LHCGR: variants seen among roughly 807,000 people sequenced by gnomAD.
LHCGR encodes the protein luteinizing hormone/choriogonadotropin receptor.
LHCGR carries 55 observed loss-of-function variants against 60.7 expected under a neutral mutation model. The observed-to-expected ratio is 0.91, with a 90% CI of 0.73 to 1.13. LHCGR has a LOEUF of 1.13. Ranked by LOEUF, LHCGR falls within the 50% of genes most tolerant of loss-of-function variation. The pLI is 0.00. For missense variants in LHCGR, 862 were observed against 836.0 expected (o/e 1.03, Z -0.38); for synonymous variants, 337 against 316.5 (o/e 1.06, Z -0.69).
At position 48,687,595 on chromosome 2, in the gene LHCGR, A is replaced by G; in HGVS notation, c.*102T>C. On this transcript the variant is annotated 3_prime_UTR_variant, in exon 11 of 11. Coordinates refer to ENST00000294954, the MANE Select transcript of LHCGR (RefSeq NM_000233.4). ...TCTTGCCTAATGTACCTAAAAATAA[A>G]TAATTTCCTAAATCCAACCCTTTAT... 1 of 998,572 alleles carries G rather than the reference A, an allele frequency of 1.0e-6. No homozygotes were observed. Among genetic ancestry groups the G allele is most frequent in the East Asian group, 2.5e-5 (1 of 40,380 alleles). The allele number at this position is 998,572 out of a possible 1,614,324, so 61.9% of individuals were successfully genotyped here.
chr2:48,745,896 G>A (rs572661370), intron 1 of LHCGR, among the ~76,000 whole-genome samples: 157 of 151,494 alleles, frequency 1.0e-3, no homozygotes, highest in Admixed American at 3.7e-3. Context: ...AAAAAGGTCC[G>A]TCTCAGGTAC....
chr2:48,743,326 C>T (rs559564647), intron 1 of LHCGR, among the ~76,000 whole-genome samples: 1 of 152,072 alleles, frequency 6.6e-6, no homozygotes, highest in Non-Finnish European at 1.5e-5. Flanking sequence ...AGAGGGAATC[C>T]TCCCTAACTC....
chr2:48,746,658 T>C (rs1469905081), intron 1 of LHCGR, among the ~76,000 whole-genome samples: 1 of 152,254 alleles, frequency 6.6e-6, no homozygotes, highest in Non-Finnish European at 1.5e-5. Context: ...GGATTTTTCA[T>C]GTCATTTGTG....
At chr2:48,691,721 C>G (rs1218882931) in intron 10 of LHCGR, among the ~76,000 whole-genome samples, 1 of 151,978 alleles carries the variant, frequency 6.6e-6, no homozygotes, top group Non-Finnish European at 1.5e-5. Context: ...TGGTATGCCC[C>G]TGTAATCCCA....
At position 48,698,617 on chromosome 2, in the gene LHCGR, T is replaced by G. The variant is rs376857065; in HGVS notation, c.864A>C (p.Lys288Asn). The G allele has an allele frequency of 8.1e-6, 13 of 1,613,754 alleles. No individual in the cohort carries two copies. In the African/African-American group the frequency reaches 1.7e-4, roughly 22 times the overall value. Reference protein sequence around the residue: ...HCCAFRNLPTKEQNFSHSISE... With the variant: ...HCCAFRNLPTNEQNFSHSISE... ...TTTACCTTTTGGTTTCTACTTACTCTTTTGTTGGCAAGTTTCTAAAAGCAC... is the reference window on the plus strand; with the variant it reads ...TTTACCTTTTGGTTTCTACTTACTCGTTTGTTGGCAAGTTTCTAAAAGCAC... The change falls in exon 9 of 11, where the codon AAA (lysine) becomes AAC (asparagine). Residue 288 changes from lysine to asparagine, a missense_variant and splice_region_variant. Physicochemically the swap from Lys to Asn is moderately conservative, Grantham distance 94 (BLOSUM62 0). Coordinates refer to ENST00000294954, the MANE Select transcript of LHCGR (RefSeq NM_000233.4).
intron 6 of LHCGR, 144 bp downstream of exon 6, chr2:48,723,312 C>T (rs1668581465): frequency 4.2e-6 from 3 of 717,756 alleles, no homozygotes; most frequent in African/African-American, 3.5e-5. Flanking sequence ...TACACAACTC[C>T]CTTCACCCTT....
chr2:48,725,600 A>C (rs927102771), intron 4 of LHCGR, 76 bp downstream of exon 4: 1 of 1,043,986 alleles, frequency 9.6e-7, no homozygotes, highest in African/African-American at 1.6e-5. Flanking sequence ...AAATCTTTCC[A>C]ACCTTTTCCT....
intron 9 of LHCGR, among the ~76,000 whole-genome samples, chr2:48,697,753 G>C (rs530912068): frequency 3.0e-4 from 45 of 152,230 alleles, no homozygotes; most frequent in Non-Finnish European, 5.6e-4. Flanking sequence ...GGGCAGTGTT[G>C]TTCCAACTGT....
chr2:48,739,266 G>C (rs966101559), intron 1 of LHCGR, among the ~76,000 whole-genome samples: 2 of 152,302 alleles, frequency 1.3e-5, no homozygotes, highest in Non-Finnish European at 2.9e-5. Context: ...ATTCCTCAGG[G>C]ATCTAGAACT....
chr2:48,712,268 A>G, intron 7 of LHCGR, among the ~76,000 whole-genome samples: 1 of 151,928 alleles, frequency 6.6e-6, no homozygotes, highest in East Asian at 1.9e-4. Context: ...CTATTTGGAG[A>G]TGCTTCTTCC....
chr2:48,692,042 A>T (rs1666874138), intron 10 of LHCGR, among the ~76,000 whole-genome samples: 1 of 152,082 alleles, frequency 6.6e-6, no homozygotes, highest in African/African-American at 2.4e-5. Context: ...TTGTTTTTCA[A>T]AGTGTGGTCC....
intron 7 of LHCGR, among the ~76,000 whole-genome samples, chr2:48,713,267 G>A (rs185163010): frequency 1.2e-3 from 184 of 151,980 alleles, no homozygotes; most frequent in African/African-American, 4.2e-3. Flanking sequence ...GGCTTTAATC[G>A]AACTTTTCAT....
intron 6 of LHCGR, chr2:48,720,959 T>C (rs1347880439): frequency 1.3e-5 from 2 of 152,238 alleles, no homozygotes; most frequent in African/African-American, 2.4e-5. Flanking sequence ...ATATAAACGT[T>C]ACTGATTCCA....
intron 2 of LHCGR, among the ~76,000 whole-genome samples, chr2:48,730,825 A>G (rs1668954552): frequency 6.6e-6 from 1 of 152,252 alleles, no homozygotes; most frequent in South Asian, 2.1e-4. Flanking sequence ...TATTTTAGAT[A>G]TAAAGATTAT....
chr2:48,715,730 C>T (rs1002294021), intron 6 of LHCGR, among the ~76,000 whole-genome samples: 1 of 152,166 alleles, frequency 6.6e-6, no homozygotes. Flanking sequence ...ACCCACAACA[C>T]AGCTGAGACA....
intron 6 of LHCGR, among the ~76,000 whole-genome samples, chr2:48,717,788 T>C (rs1668320181): frequency 6.6e-6 from 1 of 151,740 alleles, no homozygotes; most frequent in Admixed American, 6.6e-5. Context: ...ACCTTTGGTC[T>C]GTACTAGCGT....
In LHCGR at chr2:48,713,934, A is replaced by T. The variant is rs1433656612; in HGVS notation, c.605+52T>A. 5 of 1,050,970 alleles carry T rather than the reference A, an allele frequency of 4.8e-6. No homozygotes were observed. The African/African-American group carries it at 8.4e-5, about 18-fold the overall frequency. The allele number at this position is 1,050,970 out of a possible 1,614,324, so 65.1% of individuals were successfully genotyped here. ...GAAGATTGAATGTGATCTTGTAGCC[A>T]GAGTAATATTTCATTTTTATTCCTG... On this transcript the variant is annotated intron_variant, in intron 7 of 10. Coordinates refer to ENST00000294954, the MANE Select transcript of LHCGR (RefSeq NM_000233.4).
In LHCGR at chr2:48,755,540, G is replaced by A. The variant is rs1209400793; in HGVS notation, c.132C>T (p.Cys44=). Residue 44 remains cysteine, a synonymous_variant, in exon 1 of 11, where the codon TGC becomes TGT. Coordinates refer to ENST00000294954, the MANE Select transcript of LHCGR (RefSeq NM_000233.4). Reference sequence around the variant, plus strand: ...GAGTGAGACCGGCCGTGGGGCCGGGGCAGCGCAGGGCGCCGTCGGGCACGC... The same window carrying A: ...GAGTGAGACCGGCCGTGGGGCCGGGACAGCGCAGGGCGCCGTCGGGCACGC... ...CNCVPDGALR[C]PGPTAGLTRL... The A allele has an allele frequency of 5.2e-6, 8 of 1,541,558 alleles. No homozygotes were observed. The highest frequency in any genetic ancestry group is 2.7e-5 in the African/African-American group (2 of 72,814).
chr2:48,729,058 C>T (rs1444355965), intron 3 of LHCGR, 95 bp downstream of exon 3: 2 of 986,088 alleles, frequency 2.0e-6, no homozygotes, highest in Admixed American at 3.4e-5. Context: ...CTTTTGGATT[C>T]CTAGCAGTGG....
Sources: allele counts gnomAD v4.1 joint callset (sites outside exome capture counted in the v4.1 genomes callset), GRCh38; gene constraint gnomAD v4.1.1; transcripts MANE v1.5; gene names NCBI Gene and HGNC (gene_info 2026-07-23, HGNC 2026-07-21).